The following HNRNPUL1 variants were observed in gnomAD, a reference collection of about 807,000 sequenced individuals.
HNRNPUL1 encodes heterogeneous nuclear ribonucleoprotein U-like protein 1.
In HNRNPUL1, 14 loss-of-function variants were observed where a neutral mutation model predicts 108.5. The observed-to-expected ratio is 0.13, with a 90% confidence interval of 0.09 to 0.20. The LOEUF (loss-of-function observed/expected upper bound fraction) is 0.20. HNRNPUL1 is among the 10% of genes least tolerant of loss of function. HNRNPUL1 has a pLI of 1.00. For synonymous variants in HNRNPUL1, 422 were observed against 445.2 expected (o/e 0.95, Z 0.66); for missense variants, 804 against 1,168.3 (o/e 0.69, Z 4.55).
At chr19:41,278,762 A>T (rs1279767935) in intron 5 of HNRNPUL1, among the ~76,000 whole-genome samples, 1 of 152,114 alleles carries the variant, frequency 6.6e-6, no homozygotes, top group African/African-American at 2.4e-5. Context: ...TACAGTTTTG[A>T]TAGAGACTTC....
rs1322523640 is a variant in HNRNPUL1 at position 41,292,137 on chromosome 19, T to A, written c.1000-108T>A. 6 of 1,143,144 alleles carry A rather than the reference T, an allele frequency of 5.2e-6. No homozygotes were observed. The East Asian group carries it at 9.5e-5, about 18-fold the overall frequency. 70.8% of individuals were successfully genotyped at this position (1,143,144 alleles called of 1,614,324 possible). ...TATGTTGGGGAAGGATGCACTTCAATCTGGAAAGCTGTCCACATTCTACTC... is the reference window on the plus strand; with the variant it reads ...TATGTTGGGGAAGGATGCACTTCAAACTGGAAAGCTGTCCACATTCTACTC... On this transcript the variant is annotated intron_variant, in intron 7 of 14. Coordinates refer to ENST00000392006, the MANE Select transcript of HNRNPUL1 (RefSeq NM_007040.6). This position sits in a 1 kb window ranked among gnomAD's most constrained non-coding sequence, Gnocchi z 4.1.
chr19:41,299,975 G>C (rs1323533875), intron 10 of HNRNPUL1, among the ~76,000 whole-genome samples: 3 of 152,066 alleles, frequency 2.0e-5, no homozygotes, highest in African/African-American at 7.2e-5. Context: ...GACTCATTCA[G>C]TCCTCACAGC....
chr19:41,276,123 A>G, intron 4 of HNRNPUL1, 36 bp from the exon 5 acceptor site: 1 of 1,613,464 alleles, frequency 6.2e-7, no homozygotes, highest in Non-Finnish European at 8.5e-7. Flanking sequence ...AAACAAAATA[A>G]AAACATCAGC....
chr19:41,264,301 C>G (rs575136648), upstream of HNRNPUL1: 6 of 430,476 alleles, frequency 1.4e-5, no homozygotes, highest in African/African-American at 8.1e-5. Flanking sequence ...CGTTGCCCCA[C>G]GCACTGACCA....
Position 41,290,224 on chromosome 19 carries a change from T to C in HNRNPUL1, c.1000-2021T>C, listed in dbSNP as rs190374418. Among the ~76,000 whole-genome samples, 4 of 152,370 alleles carry C rather than the reference T, an allele frequency of 2.6e-5. 1 individual carries two copies. The highest frequency in any genetic ancestry group is 2.6e-4 in the Admixed American group (4 of 15,302). ...ATATCAGAAAGCGAACCGTGTATTT[T>C]GCTTCAGTCTGCTATCTAATCTCAA... is the stretch of plus-strand genomic sequence containing the variant. On this transcript the variant is annotated intron_variant, in intron 7 of 14. Transcript: ENST00000392006.
In HNRNPUL1 at chr19:41,305,757, C is replaced by G. The variant is rs1470857546; in HGVS notation, c.2344C>G (p.Pro782Ala). The part of the protein sequence containing the change: ...TAPPPPPPPP[P>A]AYNYGSYGGY... ...CCCACCGCCTCCACCTCCACCACCA[C>G]CTGCCTACAACTATGGGAGCTACGG... Residue 782 changes from proline (P) to alanine (A), a missense_variant, in exon 14 of 15, where the codon CCT becomes GCT. Coordinates refer to ENST00000392006, the MANE Select transcript of HNRNPUL1 (RefSeq NM_007040.6). 3 of 1,613,996 alleles carry G rather than the reference C, an allele frequency of 1.9e-6. No homozygotes were observed. Among genetic ancestry groups the G allele is most frequent in the Non-Finnish European group, 8.5e-7 (1 of 1,179,876 alleles).
At chr19:41,289,901 C>T (rs751335943) in intron 7 of HNRNPUL1, among the ~76,000 whole-genome samples, 88 of 151,892 alleles carry the variant, frequency 5.8e-4, no homozygotes, top group South Asian at 8.3e-4. Flanking sequence ...TTAGTAGAGA[C>T]GGAGTTTCAC....
In HNRNPUL1 at chr19:41,302,726, G is replaced by A. The variant is rs1371557775; in HGVS notation, c.1749G>A (p.Gln583=). Residue 583 remains glutamine, a synonymous_variant, in exon 12 of 15, where the codon CAG becomes CAA. Transcript: ENST00000392006. ...FLDEVLFIEL[Q]REEADKLVRQ... ...ATGAGGTTCTGTTCATTGAGCTGCA[G>A]CGGGAGGAAGCGGACAAGCTAGTGA... 1.2e-6 allele frequency: 2 copies of A among 1,614,198 alleles called. No individual in the cohort carries two copies. The highest frequency in any genetic ancestry group is 3.3e-5 in the Admixed American group (2 of 60,028).
chr19:41,286,776 G>A (rs2122729319), intron 7 of HNRNPUL1: 1 of 144,502 alleles, frequency 6.9e-6, no homozygotes, highest in Non-Finnish European at 1.5e-5. Flanking sequence ...GAGTGCAATG[G>A]CTTTATCTCG....
At position 41,292,563 on chromosome 19, in the gene HNRNPUL1, G is replaced by GACACACAC. The variant is rs57173622; in HGVS notation, c.1266+68_1266+75dup. The GACACACAC allele has an allele frequency of 7.3e-6, 11 of 1,504,322 alleles. No homozygotes were observed. Among genetic ancestry groups the GACACACAC allele is most frequent in the Admixed American group, 1.7e-5 (1 of 58,436 alleles). 93.2% of individuals were successfully genotyped at this position (1,504,322 alleles called of 1,614,324 possible). ...GCCACCTTGCTGCCAAGACAGAGGA[G>GACACACAC]ACACACACACACACACACACACAGA... On this transcript the variant is annotated intron_variant, in intron 8 of 14. Coordinates refer to ENST00000392006, the MANE Select transcript of HNRNPUL1 (RefSeq NM_007040.6). This position sits in a 1 kb window ranked among gnomAD's most constrained non-coding sequence, Gnocchi z 4.1.
intron 4 of HNRNPUL1, among the ~76,000 whole-genome samples, chr19:41,275,090 G>C (rs2035468835): frequency 6.6e-6 from 1 of 152,128 alleles, no homozygotes; most frequent in South Asian, 2.1e-4. Flanking sequence ...AACAGTAGGA[G>C]AGTCCTAGGC....
chr19:41,279,764 G>A (rs929319611), intron 6 of HNRNPUL1, among the ~76,000 whole-genome samples: 3 of 152,252 alleles, frequency 2.0e-5, no homozygotes, highest in East Asian at 1.9e-4. Context: ...TATGTGTTGC[G>A]TATAAGAATT....
At chr19:41,293,741 A>G (rs1434463192) in intron 8 of HNRNPUL1, among the ~76,000 whole-genome samples, 2 of 152,196 alleles carry the variant, frequency 1.3e-5, no homozygotes, top group Non-Finnish European at 2.9e-5. Flanking sequence ...AAATGCCTAT[A>G]ATTCCAGCAC....
At chr19:41,300,441 CCTT>C (rs2037139756) in intron 10 of HNRNPUL1, among the ~76,000 whole-genome samples, 1 of 152,034 alleles carries the variant, frequency 6.6e-6, no homozygotes, top group African/African-American at 2.4e-5. Flanking sequence ...GTTAAAAACT[CCTT>C]ACTCCGTTTC....
At position 41,301,561 on chromosome 19, in the gene HNRNPUL1, G is replaced by A; in HGVS notation, c.1544G>A (p.Arg515Lys). Residue 515 changes from arginine (R) to lysine (K), a missense_variant, in exon 11 of 15, where the codon AGA becomes AAA. Around this residue, in one of 4 missense-constraint regions of HNRNPUL1, gnomAD observed 80 missense variants for 221.8 expected, o/e 0.36. Coordinates refer to ENST00000392006, the MANE Select transcript of HNRNPUL1 (RefSeq NM_007040.6). ...DQTNVYGSAQ[R>K]RKMRPFEGFQ... ...ACAAATGTTTATGGGTCAGCCCAGA[G>A]ACGAAAAATGAGACCATTTGAAGGC... The A allele has an allele frequency of 6.2e-7, 1 of 1,614,046 alleles. No homozygotes were observed. The highest frequency in any genetic ancestry group is 1.6e-4 in the Middle Eastern group (1 of 6,062).
chr19:41,271,969 TTCA>T, intron 2 of HNRNPUL1, 110 bp from the exon 3 acceptor site: 1 of 1,219,734 alleles, frequency 8.2e-7, no homozygotes, highest in East Asian at 2.4e-5. Flanking sequence ...TGCCCAGCCC[TTCA>T]TCACTGTAGT....
At chr19:41,265,762 T>A (rs187791803) in intron 1 of HNRNPUL1, among the ~76,000 whole-genome samples, 1 of 151,560 alleles carries the variant, frequency 6.6e-6, no homozygotes, top group East Asian at 1.9e-4. Context: ...GGCAGATGAG[T>A]TGGTAACATT....
intron 7 of HNRNPUL1, among the ~76,000 whole-genome samples, chr19:41,287,323 G>C (rs1339070913): frequency 6.6e-6 from 1 of 152,014 alleles, no homozygotes; most frequent in Non-Finnish European, 1.5e-5. Flanking sequence ...TGATTCTTAA[G>C]AGTAAAGATA....
intron 7 of HNRNPUL1, among the ~76,000 whole-genome samples, chr19:41,289,658 T>A (rs2036463823): frequency 6.6e-6 from 1 of 151,206 alleles, no homozygotes; most frequent in African/African-American, 2.4e-5. Flanking sequence ...ATAGTGAAGC[T>A]GGTGGCCATA....
Sources: allele counts gnomAD v4.1 joint callset (sites outside exome capture counted in the v4.1 genomes callset), GRCh38; gene constraint gnomAD v4.1.1; regional missense constraint gnomAD v4.1.1; non-coding constraint Gnocchi (gnomAD v3.1); transcripts MANE v1.5; gene names NCBI Gene and HGNC (gene_info 2026-07-23, HGNC 2026-07-21).